CCDC178: variants seen among roughly 807,000 people sequenced by gnomAD.
CCDC178 encodes coiled-coil domain-containing protein 178.
CCDC178 carries 126 observed loss-of-function variants against 117.4 expected under a neutral mutation model. That is an observed-to-expected ratio of 1.07 (90% confidence interval 0.93 to 1.24). CCDC178 has a LOEUF of 1.24. Among genes scored for constraint, CCDC178 ranks in the 50% most tolerant of loss-of-function variants. CCDC178 has a pLI of 0.00. For missense variants in CCDC178, 1,030 were observed against 986.9 expected, an observed-to-expected ratio of 1.04 and a Z score of -0.59; for synonymous variants, 283 against 313.4, an observed-to-expected ratio of 0.90 and a Z score of 1.02.
intron 3 of CCDC178, among the ~76,000 whole-genome samples, chr18:33,409,769 C>A (rs1179888220): frequency 6.6e-6 from 1 of 151,984 alleles, no homozygotes; most frequent in African/African-American, 2.4e-5. Context: ...TGGTGTGAAG[C>A]CAAAGTGACA....
chr18:33,318,527 G>C (rs1304973130), intron 11 of CCDC178, among the ~76,000 whole-genome samples: 3 of 152,186 alleles, frequency 2.0e-5, no homozygotes, highest in Non-Finnish European at 2.9e-5. Context: ...AAACGATCAA[G>C]AAGTATGGAG....
intron 22 of CCDC178, among the ~76,000 whole-genome samples, chr18:32,969,110 C>T (rs1598741266): frequency 6.6e-6 from 1 of 152,166 alleles, no homozygotes; most frequent in South Asian, 2.1e-4. Context: ...AACCAGTTCA[C>T]TAACTCAACA....
At chr18:33,161,754 T>C (rs2058466860) in intron 20 of CCDC178, among the ~76,000 whole-genome samples, 1 of 152,182 alleles carries the variant, frequency 6.6e-6, no homozygotes, top group South Asian at 2.1e-4. Flanking sequence ...GAACTCATCA[T>C]TTTTTATGGC....
Position 33,011,486 on chromosome 18 carries a change from G to A in CCDC178, c.2389-36805C>T, listed in dbSNP as rs569710954. ...CCCACAGTCTCCTCAATGAGCGGAA[G>A]CCTGCAGGATTCCAATGGGGAGCCG... On this transcript the variant is annotated intron_variant, in intron 21 of 22. Transcript: ENST00000383096. 1.2e-4 allele frequency among the ~76,000 whole-genome samples: 18 copies of A among 152,110 alleles called. No homozygotes were observed. In the South Asian group the frequency reaches 1.2e-3, roughly 11 times the overall value.
chr18:33,141,692 G>A (rs2058207413), intron 20 of CCDC178, among the ~76,000 whole-genome samples: 1 of 152,192 alleles, frequency 6.6e-6, no homozygotes, highest in Non-Finnish European at 1.5e-5. Context: ...GTTAGGGCAT[G>A]TTAGACTCTA....
chr18:33,083,393 A>G (rs1019248738), intron 21 of CCDC178, among the ~76,000 whole-genome samples: 2 of 152,228 alleles, frequency 1.3e-5, no homozygotes, highest in Non-Finnish European at 2.9e-5. Context: ...TATGTTGTCA[A>G]TTTGTTCTTC....
At chr18:33,157,912 G>A (rs2058420244) in intron 20 of CCDC178, among the ~76,000 whole-genome samples, 1 of 152,102 alleles carries the variant, frequency 6.6e-6, no homozygotes, top group Non-Finnish European at 1.5e-5. Context: ...GCTACTCCTT[G>A]AAGTAAGTAA....
chr18:33,427,994 C>A (rs1051641127), intron 2 of CCDC178, among the ~76,000 whole-genome samples: 4 of 152,098 alleles, frequency 2.6e-5, no homozygotes, highest in African/African-American at 9.7e-5. Context: ...TGAATAAGTA[C>A]TTTTTGTCTC....
At chr18:33,052,048 A>G (rs1260106939) in intron 21 of CCDC178, among the ~76,000 whole-genome samples, 1 of 152,210 alleles carries the variant, frequency 6.6e-6, no homozygotes, top group Non-Finnish European at 1.5e-5. Flanking sequence ...CAGTGCTTTC[A>G]GATGAGCCTT....
chr18:33,322,871 A>C (rs1464669286), intron 11 of CCDC178, among the ~76,000 whole-genome samples: 4 of 151,368 alleles, frequency 2.6e-5, no homozygotes, highest in Non-Finnish European at 4.4e-5. Context: ...AGTGACTATA[A>C]ATTCTTTTAT....
chr18:33,199,171 T>C (rs539745160), intron 20 of CCDC178, among the ~76,000 whole-genome samples: 1 of 152,244 alleles, frequency 6.6e-6, no homozygotes, highest in East Asian at 1.9e-4. Flanking sequence ...GCTACTTTAT[T>C]AGGGACCCAT....
At chr18:33,405,241 A>G (rs2063764570) in intron 3 of CCDC178, among the ~76,000 whole-genome samples, 1 of 151,890 alleles carries the variant, frequency 6.6e-6, no homozygotes, top group Admixed American at 6.6e-5. Context: ...ATCAAGAATT[A>G]CAAAAATGTA....
At position 33,257,340 on chromosome 18, in the gene CCDC178, T is replaced by C. The variant is rs1030951540; in HGVS notation, c.1409+9576A>G. 3.3e-5 allele frequency among the ~76,000 whole-genome samples: 5 copies of C among 152,136 alleles called. No homozygotes were observed. The South Asian group carries it at 1.0e-3, about 31-fold the overall frequency. On this transcript the variant is annotated intron_variant, in intron 14 of 22. Coordinates refer to ENST00000383096, the MANE Select transcript of CCDC178 (RefSeq NM_001105528.4). ...ACAGATACTTTCTTCCTTCGGCCTT[T>C]GCTCATGGGTAGATTATTTTCTATT...
chr18:33,353,924 G>A (rs369459499), intron 7 of CCDC178, among the ~76,000 whole-genome samples: 77 of 152,040 alleles, frequency 5.1e-4, no homozygotes, highest in East Asian at 3.1e-3. Context: ...CTCTAGTGTC[G>A]TTTCATTTCA....
chr18:33,076,484 G>C (rs182121343), intron 21 of CCDC178, among the ~76,000 whole-genome samples: 1 of 152,202 alleles, frequency 6.6e-6, no homozygotes, highest in Non-Finnish European at 1.5e-5. Flanking sequence ...TTTCAGAAAT[G>C]AGAGTTTCTA....
At chr18:33,327,044 A>G (rs1355336541) in intron 10 of CCDC178, among the ~76,000 whole-genome samples, 1 of 152,074 alleles carries the variant, frequency 6.6e-6, no homozygotes, top group Non-Finnish European at 1.5e-5. Context: ...AGATTGCATA[A>G]TAAAAAAATA....
chr18:33,422,857 T>C (rs1367191203), intron 2 of CCDC178, among the ~76,000 whole-genome samples: 1 of 152,192 alleles, frequency 6.6e-6, no homozygotes, highest in African/African-American at 2.4e-5. Context: ...TCTATTAAAG[T>C]TTTCTAGCAT....
Position 33,417,185 on chromosome 18 carries a change from C to G in CCDC178, c.-22-5075G>C, listed in dbSNP as rs137939317. ...GTCCACAATAGCCAAAACCTGCACG[C>G]TACCTAGATGTCTCTCAGTGGGTGA... is the stretch of plus-strand genomic sequence containing the variant. On this transcript the variant is annotated intron_variant, in intron 2 of 22. Transcript: ENST00000383096. Among the ~76,000 whole-genome samples the G allele has an allele frequency of 6.0e-4, 91 of 152,276 alleles. 1 individual carries two copies. In the East Asian group the frequency reaches 0.015, roughly 26 times the overall value.
At chr18:33,219,219 C>T (rs183343532) in intron 18 of CCDC178, among the ~76,000 whole-genome samples, 2 of 152,064 alleles carry the variant, frequency 1.3e-5, no homozygotes, top group African/African-American at 2.4e-5. Context: ...ATCAATATCA[C>T]AATGAGATAC....
Sources: allele counts gnomAD v4.1 joint callset (sites outside exome capture counted in the v4.1 genomes callset), GRCh38; gene constraint gnomAD v4.1.1; transcripts MANE v1.5; gene names NCBI Gene and HGNC (gene_info 2026-07-23, HGNC 2026-07-21).